The following DENND2C variants were observed in gnomAD, a reference collection of about 807,000 sequenced individuals.
DENND2C encodes the protein DENN domain containing 2C.
A neutral mutation model predicts 112.4 loss-of-function variants in DENND2C; 72 were observed. The ratio of observed to expected loss-of-function variants is 0.64; its 90% CI spans 0.53 to 0.78. The LOEUF (loss-of-function observed/expected upper bound fraction) is 0.78. Ranked by LOEUF, DENND2C falls within the 30% of genes least tolerant of loss-of-function variation. The pLI is 0.00. For synonymous variants in DENND2C, 329 were observed against 381.6 expected, an observed-to-expected ratio of 0.86 and a Z score of 1.61; for missense variants, 992 against 1,113.8, an observed-to-expected ratio of 0.89 and a Z score of 1.56.
At chr1:114,626,508 T>C (rs1240983398) in intron 3 of DENND2C, among the ~76,000 whole-genome samples, 2 of 119,800 alleles carry the variant, frequency 1.7e-5, no homozygotes, top group Non-Finnish European at 3.4e-5. Flanking sequence ...AATAAATTAA[T>C]TCTTTTTTTT....
chr1:114,609,720 C>CTAAT (rs1205676406), intron 9 of DENND2C, among the ~76,000 whole-genome samples: 6 of 152,314 alleles, frequency 3.9e-5, no homozygotes, highest in African/African-American at 1.4e-4. Context: ...GACTCAACCT[C>CTAAT]TAATTGTCTT....
At chr1:114,643,391 A>G (rs1656898224) in intron 3 of DENND2C, among the ~76,000 whole-genome samples, 1 of 152,224 alleles carries the variant, frequency 6.6e-6, no homozygotes, top group African/African-American at 2.4e-5. Flanking sequence ...GCCCACAGGA[A>G]TATATCTTGC....
In DENND2C at chr1:114,600,284, G is replaced by A. The variant is rs1655464006; in HGVS notation, c.2025C>T (p.Cys675=). 1 of 1,613,950 alleles carries A rather than the reference G, an allele frequency of 6.2e-7. No individual in the cohort carries two copies. The highest frequency in any genetic ancestry group is 1.3e-5 in the African/African-American group (1 of 74,900). ...EHVDFKCLFK[C]LSVCHLIRVC... ...CCCGGATGAGATGACACACACTCAG[G>A]CACTTAAAGAGACATTTAAAATCAA... The change falls in exon 15 of 21, where the codon TGC becomes TGT. Residue 675 remains cysteine (C), a synonymous_variant. Transcript: ENST00000393274.
chr1:114,666,320 C>T (rs1657647444), intron 1 of DENND2C, among the ~76,000 whole-genome samples: 1 of 152,186 alleles, frequency 6.6e-6, no homozygotes, highest in Admixed American at 6.5e-5. Context: ...CCATTTTCAG[C>T]TTATCTTTCC....
intron 3 of DENND2C, among the ~76,000 whole-genome samples, chr1:114,637,870 C>G (rs1416970577): frequency 3.9e-5 from 6 of 152,066 alleles, no homozygotes; most frequent in Non-Finnish European, 8.8e-5. Flanking sequence ...TCTACAGATT[C>G]AACACAATCT....
chr1:114,608,932 T>C (rs1321395696), intron 9 of DENND2C, 59 bp from the exon 10 acceptor site: 1 of 1,584,350 alleles, frequency 6.3e-7, no homozygotes, highest in East Asian at 2.2e-5. Flanking sequence ...CCTTTCAGCA[T>C]CCAGAGGTCA....
Position 114,625,236 on chromosome 1 carries a change from G to T in DENND2C, c.749C>A (p.Ser250Tyr), listed in dbSNP as rs1378181241. The T allele has an allele frequency of 1.9e-6, 3 of 1,613,110 alleles. No individual in the cohort carries two copies. Among genetic ancestry groups the T allele is most frequent in the Non-Finnish European group, 2.5e-6 (3 of 1,179,772 alleles). ...TTTCTTTGGTTCAGGTTCCTGAGAA[G>T]AGGCCAAAGAAGATTGTGCACAAGA... ...NNSCAQSSLASSQEPEPKKYG... is the reference protein window; with the variant it reads ...NNSCAQSSLAYSQEPEPKKYG... Residue 250 changes from serine to tyrosine, a missense_variant, in exon 4 of 21, where the codon TCT becomes TAT. Physicochemically the swap from Ser to Tyr is moderately radical, Grantham distance 144. Transcript: ENST00000393274.
At position 114,650,983 on chromosome 1, in the gene DENND2C, C is replaced by T. The variant is rs1195928309; in HGVS notation, c.-317+3522G>A. Among the ~76,000 whole-genome samples the T allele has an allele frequency of 3.9e-5, 6 of 151,984 alleles. No individual in the cohort carries two copies. In the East Asian group the frequency reaches 5.8e-4, roughly 15 times the overall value. On this transcript the variant is annotated intron_variant, in intron 2 of 20. Coordinates refer to ENST00000393274, the MANE Select transcript of DENND2C (RefSeq NM_001256404.2). Reference sequence around the variant, plus strand: ...CATTAGCTGGGTGTGGTGGCAAGCGCCTGTAGTCCCAGCTACTTGGGAGGC... The same window carrying T: ...CATTAGCTGGGTGTGGTGGCAAGCGTCTGTAGTCCCAGCTACTTGGGAGGC...
chr1:114,657,617 T>G (rs1236570461), intron 1 of DENND2C, among the ~76,000 whole-genome samples: 2 of 152,180 alleles, frequency 1.3e-5, no homozygotes, highest in Non-Finnish European at 2.9e-5. Flanking sequence ...TGTCTGTTGG[T>G]CATTAGGACT....
Position 114,585,192 on chromosome 1 carries a change from A to G in DENND2C, c.*408T>C, listed in dbSNP as rs560076604. 1 of 191,006 alleles carries G rather than the reference A, an allele frequency of 5.2e-6. No homozygotes were observed. Among genetic ancestry groups the G allele is most frequent in the South Asian group, 1.1e-4 (1 of 8,806 alleles). The allele number at this position is 191,006 out of a possible 1,614,324, so 11.8% of individuals were successfully genotyped here. A position where few individuals can be genotyped will look rare whatever the true frequency, so the allele number is the denominator to read the frequency against. On this transcript the variant is annotated 3_prime_UTR_variant, in exon 21 of 21. Coordinates refer to ENST00000393274, the MANE Select transcript of DENND2C (RefSeq NM_001256404.2). Reference sequence around the variant, plus strand: ...TATGTGTATAAGGCTAGTGTTCTCCATTTCCATCATGTCTCTCTACTACCT... The same window carrying G: ...TATGTGTATAAGGCTAGTGTTCTCCGTTTCCATCATGTCTCTCTACTACCT...
chr1:114,613,200 A>C (rs1655870639), intron 8 of DENND2C, among the ~76,000 whole-genome samples: 1 of 152,214 alleles, frequency 6.6e-6, no homozygotes, highest in Admixed American at 6.5e-5. Flanking sequence ...AGCTATGTGG[A>C]TCTCTATGTG....
chr1:114,599,880 A>G (rs983398209), intron 15 of DENND2C, among the ~76,000 whole-genome samples: 8 of 152,048 alleles, frequency 5.3e-5, no homozygotes, highest in African/African-American at 1.4e-4. Context: ...AAATATGCCC[A>G]AATTTTTGTT....
chr1:114,606,886 C>T lies in DENND2C; in HGVS notation c.1557+1800G>A, dbSNP rs146557165. 4.3e-3 allele frequency among the ~76,000 whole-genome samples: 650 copies of T among 152,284 alleles called. 2 individuals carry two copies. The highest frequency in any genetic ancestry group is 6.9e-3 in the Non-Finnish European group (472 of 68,018). ...GGTTGGGAAGTTAAGCCAGGCATCT[C>T]CCCTTCCCATGGGGGCCACCATTCC... On this transcript the variant is annotated intron_variant, in intron 10 of 20. Coordinates refer to ENST00000393274, the MANE Select transcript of DENND2C (RefSeq NM_001256404.2).
Position 114,599,555 on chromosome 1 carries a change from T to C in DENND2C, c.2106-104A>G, listed in dbSNP as rs1457731198. ...AAAAATTGATGCTGGTTAGTGATCA[T>C]AGATTAAAAACTATGCAAACAGTCA... On this transcript the variant is annotated intron_variant, in intron 15 of 20. Transcript: ENST00000393274. The C allele has an allele frequency of 2.1e-5, 20 of 965,816 alleles. No homozygotes were observed. In the East Asian group the frequency reaches 4.6e-4, roughly 22 times the overall value. The allele number at this position is 965,816 out of a possible 1,614,324, so 59.8% of individuals were successfully genotyped here. A position where few individuals can be genotyped will look rare whatever the true frequency, so the allele number is the denominator to read the frequency against.
chr1:114,633,593 T>C (rs1301781033), intron 3 of DENND2C, among the ~76,000 whole-genome samples: 1 of 150,712 alleles, frequency 6.6e-6, no homozygotes, highest in Admixed American at 6.6e-5. Flanking sequence ...TAAACCCTAA[T>C]GAAACTATTA....
chr1:114,623,551 A>G lies in DENND2C; in HGVS notation c.899T>C (p.Leu300Pro), dbSNP rs773565901. 1.3e-5 allele frequency: 21 copies of G among 1,610,662 alleles called. No individual in the cohort carries two copies. The highest frequency in any genetic ancestry group is 1.6e-5 in the Non-Finnish European group (19 of 1,178,524). ...EELGRNSGSA[L>P]YYTQSEDNIY... ...ATTGTCCTCAGACTGTGTGTAATAA[A>G]GTGCTGACCCAGAATTTCTTCCAAG... Residue 300 changes from leucine (L) to proline (P), a missense_variant, in exon 5 of 21, where the codon CTT becomes CCT. Physicochemically the swap from Leu to Pro is moderately conservative, Grantham distance 98. Around this residue, in one of 3 missense-constraint regions of DENND2C, gnomAD observed 470 missense variants for 472.7 expected, o/e 0.99. Transcript: ENST00000393274.
chr1:114,597,472 A>C (rs887846790), intron 16 of DENND2C, among the ~76,000 whole-genome samples: 2 of 149,922 alleles, frequency 1.3e-5, no homozygotes, highest in African/African-American at 4.9e-5. Context: ...AAAGGAAAAA[A>C]AGGCATCTTG....
At chr1:114,647,181 G>A (rs1014145448) in intron 2 of DENND2C, among the ~76,000 whole-genome samples, 2 of 150,846 alleles carry the variant, frequency 1.3e-5, no homozygotes, top group African/African-American at 4.9e-5. Context: ...AAGAGAGAGA[G>A]AGAGAGAGAG....
chr1:114,615,685 A>G (rs998665522), intron 8 of DENND2C, among the ~76,000 whole-genome samples: 14 of 152,268 alleles, frequency 9.2e-5, no homozygotes, highest in African/African-American at 3.4e-4. Flanking sequence ...TAATCAGTAC[A>G]TAGCAGGAAA....
Sources: allele counts gnomAD v4.1 joint callset (sites outside exome capture counted in the v4.1 genomes callset), GRCh38; gene constraint gnomAD v4.1.1; regional missense constraint gnomAD v4.1.1; transcripts MANE v1.5; gene names NCBI Gene and HGNC (gene_info 2026-07-23, HGNC 2026-07-21).